The following CIZ1 variants were observed in gnomAD, a reference collection of about 807,000 sequenced individuals.
CIZ1 encodes cip1-interacting zinc finger protein.
A neutral mutation model predicts 118.6 loss-of-function variants in CIZ1; 58 were observed. The ratio of observed to expected loss-of-function variants is 0.49; its 90% CI spans 0.40 to 0.61. CIZ1 has a LOEUF of 0.61. Ranked by LOEUF, CIZ1 falls within the 20% of genes least tolerant of loss-of-function variation. The pLI, the probability that CIZ1 is intolerant of heterozygous loss-of-function variation, is 0.00. For synonymous variants in CIZ1, 448 were observed against 443.4 expected (o/e 1.01, Z -0.13); for missense variants, 921 against 1,115.9 (o/e 0.83, Z 2.49).
Position 128,191,541 on chromosome 9 carries a change from C to A in CIZ1, c.-115G>T, listed in dbSNP as rs1409294566. The A allele has an allele frequency of 9.6e-7, 1 of 1,041,748 alleles. No homozygotes were observed. The highest frequency in any genetic ancestry group is 1.2e-6 in the Non-Finnish European group (1 of 866,614). The allele number at this position is 1,041,748 out of a possible 1,614,324, so 64.5% of individuals were successfully genotyped here. On this transcript the variant is annotated 5_prime_UTR_variant, in exon 1 of 17. Transcript: ENST00000372938. This position sits in a 1 kb window ranked among gnomAD's most constrained non-coding sequence, Gnocchi z 5.5. ...CCGGCCCGCGGGCTCCCGGCCTCCCCGCTGCTACTCCGGGGCCTGTGGGCT... is the reference window on the plus strand; with the variant it reads ...CCGGCCCGCGGGCTCCCGGCCTCCCAGCTGCTACTCCGGGGCCTGTGGGCT...
At position 128,187,890 on chromosome 9, in the gene CIZ1, C is replaced by T. The variant is rs749638928; in HGVS notation, c.331G>A (p.Gly111Ser). ...AGTGTTGCTGTGGGCATGGTGAGAC[C>T]GGCAGTGTCATACGTGGCTGGTGGC... The part of the protein sequence containing the change: ...AMPPATYDTA[G>S]LTMPTATLGN... Residue 111 changes from glycine to serine, a missense_variant, in exon 4 of 17, where the codon GGT becomes AGT. By Grantham distance (56) the Gly-to-Ser change is moderately conservative. Transcript: ENST00000372938. 6.8e-5 allele frequency: 51 copies of T among 753,608 alleles called. No homozygotes were observed. Among genetic ancestry groups the T allele is most frequent in the Non-Finnish European group, 5.2e-5 (21 of 404,174 alleles). 46.7% of individuals were successfully genotyped at this position (753,608 alleles called of 1,614,324 possible). A position where few individuals can be genotyped will look rare whatever the true frequency, so the allele number is the denominator to read the frequency against.
At position 128,166,426 on chromosome 9, in the gene CIZ1, G is replaced by GT; in HGVS notation, c.2488-21dup. ...GTATTTCTGGATACAGAAGGTGCAG[G>GT]TAAGGTCAGGGTCTCCTCCCTACAT... On this transcript the variant is annotated intron_variant, in intron 16 of 16. Transcript: ENST00000372938. This position sits in a 1 kb window ranked among gnomAD's most constrained non-coding sequence, Gnocchi z 4.4. 1 of 1,501,048 alleles carries GT rather than the reference G, an allele frequency of 6.7e-7. No homozygotes were observed. Among genetic ancestry groups the GT allele is most frequent in the Non-Finnish European group, 9.0e-7 (1 of 1,115,738 alleles). The allele number at this position is 1,501,048 out of a possible 1,614,324, so 93.0% of individuals were successfully genotyped here.
At chr9:128,196,929 G>A (rs1450256136) in intron 1 of CIZ1, 1 of 152,176 alleles carries the variant, frequency 6.6e-6, no homozygotes, top group Non-Finnish European at 1.5e-5. Flanking sequence ...TTCAAGCCTT[G>A]CAGTAAGTTA....
rs541942261 is a variant in CIZ1 at position 128,203,723 on chromosome 9, C to A, written c.-6+463G>T. 1 of 1,212,444 alleles carries A rather than the reference C, an allele frequency of 8.2e-7. No homozygotes were observed. The highest frequency in any genetic ancestry group is 1.0e-6 in the Non-Finnish European group (1 of 958,960). 75.1% of individuals were successfully genotyped at this position (1,212,444 alleles called of 1,614,324 possible). A position where few individuals can be genotyped will look rare whatever the true frequency, so the allele number is the denominator to read the frequency against. On this transcript the variant is annotated intron_variant, in intron 1 of 17. Transcript: ENST00000372948. The surrounding 1 kb of genome is among the most constrained non-coding windows in gnomAD (Gnocchi z 5.3). The stretch of plus-strand genomic sequence containing the variant: ...CACTGACGGCGCGGCGACCTCGCAG[C>A]CCCCGACGCTGCACCCGCGGCCGGC...
chr9:128,180,716 C>T lies in CIZ1; in HGVS notation c.682+5G>A, dbSNP rs751820292. 3.8e-6 allele frequency: 6 copies of T among 1,599,504 alleles called. No homozygotes were observed. Among genetic ancestry groups the T allele is most frequent in the Non-Finnish European group, 5.1e-6 (6 of 1,172,780 alleles). ...TCTGAAGGGCCAGCAGCCTCCCTCC[C>T]TCACCTTCTGGTGTGTCCATCCGGG... is the stretch of plus-strand genomic sequence containing the variant. On this transcript the variant is annotated splice_donor_5th_base_variant and intron_variant, in intron 6 of 16. Transcript: ENST00000372938.
intron 11 of CIZ1, among the ~76,000 whole-genome samples, chr9:128,173,802 C>G (rs772485163): frequency 3.3e-5 from 5 of 151,902 alleles, no homozygotes; most frequent in Admixed American, 6.6e-5. Context: ...GTCAGGAGAT[C>G]AAGACCATCC....
rs45450802 is a variant in CIZ1 at position 128,190,900 on chromosome 9, C to T, written c.-5-38G>A. On this transcript the variant is annotated intron_variant, in intron 1 of 16. Transcript: ENST00000372938. Reference sequence around the variant, plus strand: ...AGCAGAGTGAGGCAAGGGGTCCCCACCATAAGTCAGGCCTGCTCCCCTCCC... The same window carrying T: ...AGCAGAGTGAGGCAAGGGGTCCCCATCATAAGTCAGGCCTGCTCCCCTCCC... 1,227 of 1,510,088 alleles carry T rather than the reference C, an allele frequency of 8.1e-4. 3 individuals carry two copies. In the African/African-American group the frequency reaches 0.012, roughly 14 times the overall value. The allele number at this position is 1,510,088 out of a possible 1,614,324, so 93.5% of individuals were successfully genotyped here. A position where few individuals can be genotyped will look rare whatever the true frequency, so the allele number is the denominator to read the frequency against.
rs933736808 is a variant in CIZ1, at chr9:128,168,026, A to G, written c.2296-862T>C. On this transcript the variant is annotated intron_variant, in intron 14 of 16. Coordinates refer to ENST00000372938, the MANE Select transcript of CIZ1 (RefSeq NM_001131016.2). Reference sequence around the variant, plus strand: ...GCCTAGGACTGCAGGCCCCCCCACCACAACGCTTCCTCCCCAGCCCCTCAA... The same window carrying G: ...GCCTAGGACTGCAGGCCCCCCCACCGCAACGCTTCCTCCCCAGCCCCTCAA... 3.3e-4 allele frequency among the ~76,000 whole-genome samples: 50 copies of G among 152,040 alleles called. 1 individual carries two copies. Among genetic ancestry groups the G allele is most frequent in the Admixed American group, 1.3e-4 (2 of 15,262 alleles).
At chr9:128,173,797 G>A (rs1830472497) in intron 11 of CIZ1, among the ~76,000 whole-genome samples, 1 of 151,930 alleles carries the variant, frequency 6.6e-6, no homozygotes. Context: ...ACAAGGTCAG[G>A]AGATCAAGAC....
upstream of CIZ1, among the ~76,000 whole-genome samples, chr9:128,196,235 C>T (rs908607333): frequency 1.1e-4 from 16 of 152,038 alleles, no homozygotes; most frequent in African/African-American, 3.9e-4. Context: ...GTCTTTACCC[C>T]CCGTTTTTCA....
At position 128,166,275 on chromosome 9, in the gene CIZ1, C is replaced by T. The variant is rs1350719452; in HGVS notation, c.2619G>A (p.Gln873=). ...CCGTCACCTTGCTGGGTGTTTTGTC[C>T]TGGGTGTTGGGCTGGGAGGGTGGGC... is the stretch of plus-strand genomic sequence containing the variant. ...SGRPPSQPNT[Q]DKTPSKVTAR... is the part of the protein sequence containing the mutation. Residue 873 remains glutamine, a synonymous_variant, in exon 17 of 17, where the codon CAG becomes CAA. Transcript: ENST00000372938. The surrounding 1 kb of genome is among the most constrained non-coding windows in gnomAD (Gnocchi z 4.4). The T allele has an allele frequency of 5.3e-6, 4 of 749,606 alleles. No individual in the cohort carries two copies. Among genetic ancestry groups the T allele is most frequent in the Admixed American group, 2.3e-5 (1 of 43,430 alleles). 46.4% of individuals were successfully genotyped at this position (749,606 alleles called of 1,614,324 possible).
chr9:128,192,035 A>G (rs1295507746), upstream of CIZ1: 5 of 748,762 alleles, frequency 6.7e-6, no homozygotes, highest in Non-Finnish European at 7.7e-6. Flanking sequence ...GTCCCCCTCC[A>G]AGTCTTTTCT....
At chr9:128,195,610 G>A (rs1423746093), upstream of CIZ1, among the ~76,000 whole-genome samples, 1 of 151,704 alleles carries the variant, frequency 6.6e-6, no homozygotes, top group Non-Finnish European at 1.5e-5. Flanking sequence ...GAGCCTCCAT[G>A]CCAGGCCTTC....
rs539223689 is a variant in CIZ1 at position 128,169,640 on chromosome 9, G to A, written c.2032-121C>T. On this transcript the variant is annotated intron_variant, in intron 12 of 16. Transcript: ENST00000372938. ...AGGCCCACCATATCTGTAACAAGCCGGGCTGTGCTCCACCCCTGCACTGGA... is the reference window on the plus strand; with the variant it reads ...AGGCCCACCATATCTGTAACAAGCCAGGCTGTGCTCCACCCCTGCACTGGA... 7.8e-5 allele frequency: 121 copies of A among 1,546,436 alleles called. No homozygotes were observed. In the African/African-American group the frequency reaches 1.2e-3, roughly 15 times the overall value.
At chr9:128,176,179 T>C (rs763711849) in intron 11 of CIZ1, among the ~76,000 whole-genome samples, 172 bp downstream of exon 11, 11 of 152,204 alleles carry the variant, frequency 7.2e-5, no homozygotes, top group Non-Finnish European at 1.0e-4. Context: ...CACCAAGCCA[T>C]GTTACAGGCA....
Position 128,191,195 on chromosome 9 carries a change from C to G in CIZ1, c.-6+237G>C, listed in dbSNP as rs961584708. ...CAGCCTCTCTCTGCGCCCATCACTT[C>G]CTCACTCACAGCCCCTTTTCAATAC... is the stretch of plus-strand genomic sequence containing the variant. On this transcript the variant is annotated intron_variant, in intron 1 of 16. Transcript: ENST00000372938. This position sits in a 1 kb window ranked among gnomAD's most constrained non-coding sequence, Gnocchi z 5.5. The G allele has an allele frequency of 8.7e-5, 35 of 404,268 alleles. 1 individual carries two copies. The South Asian group carries it at 1.4e-3, about 16-fold the overall frequency. The allele number at this position is 404,268 out of a possible 1,614,324, so 25.0% of individuals were successfully genotyped here.
At chr9:128,185,819 G>A (rs765863234) in intron 4 of CIZ1, 43 bp from the exon 5 acceptor site, 14 of 1,430,102 alleles carry the variant, frequency 9.8e-6, no homozygotes, top group South Asian at 8.2e-5. Flanking sequence ...CAATGTGGTC[G>A]GGTGGCAGAA....
chr9:128,185,861 C>A, intron 4 of CIZ1, 85 bp from the exon 5 acceptor site: 4 of 899,168 alleles, frequency 4.4e-6, no homozygotes, highest in South Asian at 1.4e-5. Context: ...CCCAGAGCAT[C>A]ATGGGAACAT....
At chr9:128,170,649 C>T (rs1276240956) in intron 11 of CIZ1, among the ~76,000 whole-genome samples, 2 of 151,862 alleles carry the variant, frequency 1.3e-5, no homozygotes, top group Non-Finnish European at 2.9e-5. Flanking sequence ...GGTGAGACCC[C>T]CATCTCAAAA....
Sources: gnomAD v4.1 joint callset for allele counts (sites outside exome capture counted in the v4.1 genomes callset) on GRCh38, gnomAD v4.1.1 for gene constraint, Gnocchi (gnomAD v3.1) non-coding constraint, MANE v1.5 for transcripts, NCBI Gene and HGNC (gene_info 2026-07-23, HGNC 2026-07-21) for gene names.